The following CACNA1G variants were observed in gnomAD, a reference collection of about 807,000 sequenced individuals.
The protein encoded by CACNA1G is voltage-dependent T-type calcium channel subunit alpha-1G.
Under a neutral mutation model 219.4 loss-of-function variants are expected in CACNA1G, and 67 were observed. The observed-to-expected ratio is 0.31, with a 90% CI of 0.25 to 0.37. The LOEUF (loss-of-function observed/expected upper bound fraction) is 0.37, where lower values mean the gene tolerates loss of function less well. Among genes scored for constraint, CACNA1G ranks in the 10% least tolerant of loss-of-function variants. CACNA1G has a pLI of 1.00. For synonymous variants in CACNA1G, 1,296 were observed against 1,345.3 expected (o/e 0.96, Z 0.80); for missense variants, 2,380 against 3,231.4 (o/e 0.74, Z 6.39).
At position 50,580,650 on chromosome 17, in the gene CACNA1G, C is replaced by T. The variant is rs538171282; in HGVS notation, c.2301+2086C>T. Among the ~76,000 whole-genome samples, 27 of 152,266 alleles carry T rather than the reference C, an allele frequency of 1.8e-4. No homozygotes were observed. In the South Asian group the frequency reaches 3.5e-3, roughly 20 times the overall value. ...TCTTGCTCAGGCTCCTGAGGAAGGGCGGAGACAGCCCAGGGCTCCCACTAA... is the reference window on the plus strand; with the variant it reads ...TCTTGCTCAGGCTCCTGAGGAAGGGTGGAGACAGCCCAGGGCTCCCACTAA... On this transcript the variant is annotated intron_variant, in intron 9 of 37. Transcript: ENST00000359106.
chr17:50,599,688 C>T lies in CACNA1G; in HGVS notation c.3519C>T (p.Asp1173=). The change falls in exon 17 of 38, where the codon GAC becomes GAT. Residue 1173 remains aspartate, a synonymous_variant. Coordinates refer to ENST00000359106, the MANE Select transcript of CACNA1G (RefSeq NM_018896.5). Reference sequence around the variant, plus strand: ...AGCGGGAGGCCAAGAGTTCCTTTGACCTGCCAGACACACTGCAGGTGCCAG... The same window carrying T: ...AGCGGGAGGCCAAGAGTTCCTTTGATCTGCCAGACACACTGCAGGTGCCAG... ...SLEREAKSSF[D]LPDTLQVPGL... 1 of 1,613,374 alleles carries T rather than the reference C, an allele frequency of 6.2e-7. No individual in the cohort carries two copies. The highest frequency in any genetic ancestry group is 8.5e-7 in the Non-Finnish European group (1 of 1,179,642).
chr17:50,601,669 A>C (rs1178424217), intron 19 of CACNA1G, among the ~76,000 whole-genome samples: 1 of 152,164 alleles, frequency 6.6e-6, no homozygotes, highest in African/African-American at 2.4e-5. Flanking sequence ...AGTCCTTCTC[A>C]GAAGGAGAGC....
rs373540931 is a variant in CACNA1G, at chr17:50,599,852, G to A, written c.3683G>A (p.Gly1228Asp). 1.0e-4 allele frequency: 162 copies of A among 1,605,684 alleles called. No homozygotes were observed. The highest frequency in any genetic ancestry group is 1.8e-4 in the Admixed American group (11 of 59,984). The change falls in exon 17 of 38, where the codon GGC becomes GAC. Residue 1228 changes from glycine (G) to aspartate (D), a missense_variant. Coordinates refer to ENST00000359106, the MANE Select transcript of CACNA1G (RefSeq NM_018896.5). ...GATGGGGATGACGCCGATGACGAGG[G>A]CAACCTGGTGAGGCCCCTGTGGGCA... ...PLDGDDADDEGNLSKGERVRA... is the reference protein window; with the variant it reads ...PLDGDDADDEDNLSKGERVRA...
In CACNA1G at chr17:50,600,465, G is replaced by C. The variant is rs1568112651; in HGVS notation, c.3691-261G>C. ...GGCTGGAGGCAGGGGTGGGGAGAGG[G>C]GAGAGCGGGGTTGGGGATGCAGGGG... On this transcript the variant is annotated intron_variant, in intron 17 of 37. Coordinates refer to ENST00000359106, the MANE Select transcript of CACNA1G (RefSeq NM_018896.5). This position sits in a 1 kb window ranked among gnomAD's most constrained non-coding sequence, Gnocchi z 4.1. Among the ~76,000 whole-genome samples, 1 of 152,014 alleles carries C rather than the reference G, an allele frequency of 6.6e-6. No individual in the cohort carries two copies. Among genetic ancestry groups the C allele is most frequent in the Non-Finnish European group, 1.5e-5 (1 of 67,994 alleles).
intron 24 of CACNA1G, chr17:50,607,445 A>G (rs2048178490): frequency 1.5e-5 from 5 of 342,362 alleles, no homozygotes; most frequent in Non-Finnish European, 2.8e-5. Flanking sequence ...ATAAGCTGTG[A>G]TCGCACCACT....
chr17:50,564,536 G>A (rs1001126357), intron 1 of CACNA1G, among the ~76,000 whole-genome samples: 3 of 150,500 alleles, frequency 2.0e-5, no homozygotes, highest in African/African-American at 4.9e-5. Context: ...AGGCCTGAAC[G>A]GCAGGAGCCC....
chr17:50,626,050 G>T lies in CACNA1G; in HGVS notation c.6433G>T (p.Gly2145Cys). The T allele has an allele frequency of 6.2e-7, 1 of 1,613,110 alleles. No individual in the cohort carries two copies. Among genetic ancestry groups the T allele is most frequent in the Non-Finnish European group, 8.5e-7 (1 of 1,179,548 alleles). The change falls in exon 38 of 38, where the codon GGT (glycine) becomes TGT (cysteine). Residue 2145 changes from glycine (G) to cysteine (C), a missense_variant. This residue lies in a region of CACNA1G where 672 missense variants were observed against 670.5 expected (regional missense o/e 1.00). Coordinates refer to ENST00000359106, the MANE Select transcript of CACNA1G (RefSeq NM_018896.5). This position sits in a 1 kb window ranked among gnomAD's most constrained non-coding sequence, Gnocchi z 4.3. ...AIRTDSLDVQGLGSREDLLAE... is the reference protein window; with the variant it reads ...AIRTDSLDVQCLGSREDLLAE... ...AAGGACTGACTCCTTGGACGTTCAG[G>T]GTCTGGGCAGCCGGGAAGACCTGCT...
At chr17:50,567,885 C>A (rs190224865) in intron 1 of CACNA1G, among the ~76,000 whole-genome samples, 110 of 152,214 alleles carry the variant, frequency 7.2e-4, no homozygotes, top group South Asian at 2.5e-3. Flanking sequence ...TTAGAAAGAA[C>A]CCCTCTCTCC....
chr17:50,589,837 G>A (rs2043840350), intron 9 of CACNA1G, among the ~76,000 whole-genome samples: 1 of 152,096 alleles, frequency 6.6e-6, no homozygotes, highest in African/African-American at 2.4e-5. Context: ...CTTCCTGGGT[G>A]TCTGCGTGTC....
chr17:50,583,936 G>A (rs972628615), intron 9 of CACNA1G, among the ~76,000 whole-genome samples: 3 of 152,242 alleles, frequency 2.0e-5, no homozygotes, highest in Non-Finnish European at 4.4e-5. Flanking sequence ...CCATAGCTAT[G>A]GGAACGAGGG....
At position 50,569,169 on chromosome 17, in the gene CACNA1G, T is replaced by G; in HGVS notation, c.359T>G (p.Phe120Cys). 22 of 1,613,802 alleles carry G rather than the reference T, an allele frequency of 1.4e-5. No individual in the cohort carries two copies. The highest frequency in any genetic ancestry group is 1.9e-5 in the Non-Finnish European group (22 of 1,179,812). ...CACCTCTTGTCCCCACATCAGGCCT[T>G]TGATGACTTCATCTTTGCCTTCTTT... The part of the protein sequence containing the change: ...DSQRCRILQA[F>C]DDFIFAFFAV... Residue 120 changes from phenylalanine to cysteine, a missense_variant, in exon 3 of 38, where the codon TTT (phenylalanine) becomes TGT (cysteine). Phe to Cys is a radical substitution (Grantham distance 205). Around this residue, in one of 17 missense-constraint regions of CACNA1G, gnomAD observed 64 missense variants for 103.7 expected, o/e 0.62. Transcript: ENST00000359106.
intron 35 of CACNA1G, among the ~76,000 whole-genome samples, chr17:50,622,659 G>A (rs975516392): frequency 2.0e-5 from 3 of 152,196 alleles, no homozygotes; most frequent in Non-Finnish European, 4.4e-5. Context: ...CTGGGAACAA[G>A]GGGTGAAGGG....
intron 8 of CACNA1G, 67 bp downstream of exon 8, chr17:50,576,393 C>T: frequency 2.0e-6 from 3 of 1,468,284 alleles, no homozygotes; most frequent in Non-Finnish European, 2.8e-6. Flanking sequence ...CCAGAGGGGA[C>T]TAGGGGGTCT....
chr17:50,578,634 C>T lies in CACNA1G; in HGVS notation c.2301+70C>T. ...CCTGGGGCTGGGGCCTTCTACCTCC[C>T]TCCGCACCCCTCCTCCTGAGCTCAG... On this transcript the variant is annotated intron_variant, in intron 9 of 37. Coordinates refer to ENST00000359106, the MANE Select transcript of CACNA1G (RefSeq NM_018896.5). This position sits in a 1 kb window ranked among gnomAD's most constrained non-coding sequence, Gnocchi z 4.5. The T allele has an allele frequency of 1.4e-6, 2 of 1,418,138 alleles. No homozygotes were observed. The highest frequency in any genetic ancestry group is 1.9e-6 in the Non-Finnish European group (2 of 1,056,252). The allele number at this position is 1,418,138 out of a possible 1,614,324, so 87.8% of individuals were successfully genotyped here. A position where few individuals can be genotyped will look rare whatever the true frequency, so the allele number is the denominator to read the frequency against.
At chr17:50,612,825 C>T (rs1431100360) in intron 26 of CACNA1G, among the ~76,000 whole-genome samples, 3 of 152,230 alleles carry the variant, frequency 2.0e-5, no homozygotes, top group African/African-American at 7.2e-5. Flanking sequence ...TAAGGCAGCT[C>T]ATCCTGGTGG....
Position 50,599,564 on chromosome 17 carries a change from T to G in CACNA1G, c.3395T>G (p.Leu1132Trp). ...RSPSGERRSL[L>W]SGEGQESQDE... ...CCAAGTGGAGAGCGGCGGTCCCTGT[T>G]GTCGGGAGAAGGCCAGGAGAGCCAG... The change falls in exon 17 of 38, where the codon TTG becomes TGG. Residue 1132 changes from leucine to tryptophan, a missense_variant. This residue lies in a region of CACNA1G where 418 missense variants were observed against 434.3 expected (regional missense o/e 0.96). Coordinates refer to ENST00000359106, the MANE Select transcript of CACNA1G (RefSeq NM_018896.5). The G allele has an allele frequency of 6.2e-7, 1 of 1,612,868 alleles. No homozygotes were observed. Among genetic ancestry groups the G allele is most frequent in the Non-Finnish European group, 8.5e-7 (1 of 1,179,506 alleles).
At chr17:50,575,186 G>A (rs1471662891) in intron 7 of CACNA1G, among the ~76,000 whole-genome samples, 4 of 152,308 alleles carry the variant, frequency 2.6e-5, no homozygotes, top group African/African-American at 4.8e-5. Flanking sequence ...GGGGTGCTGC[G>A]TCTCTGCAGG....
At chr17:50,579,071 AG>A (rs1164511923) in intron 9 of CACNA1G, among the ~76,000 whole-genome samples, 2 of 152,020 alleles carry the variant, frequency 1.3e-5, no homozygotes, top group Admixed American at 6.6e-5. Flanking sequence ...GGGGTCAGGG[AG>A]GGAGGCAATC....
intron 9 of CACNA1G, among the ~76,000 whole-genome samples, chr17:50,589,908 CTCTCTGTG>C (rs2043877643): frequency 8.1e-5 from 12 of 148,100 alleles, no homozygotes; most frequent in Admixed American, 7.3e-4. Flanking sequence ...CTCTCTCTCT[CTCTCTGTG>C]TGTGTGTGTG....
Sources: allele counts gnomAD v4.1 joint callset (sites outside exome capture counted in the v4.1 genomes callset), GRCh38; gene constraint gnomAD v4.1.1; regional missense constraint gnomAD v4.1.1; non-coding constraint Gnocchi (gnomAD v3.1); transcripts MANE v1.5; gene names NCBI Gene and HGNC (gene_info 2026-07-23, HGNC 2026-07-21).